The following LAMC1 variants were observed in gnomAD, a reference collection of about 807,000 sequenced individuals.
LAMC1 encodes laminin subunit gamma-1.
A neutral mutation model predicts 173.6 loss-of-function variants in LAMC1; 38 were observed. The observed-to-expected ratio is 0.22, with a 90% confidence interval of 0.17 to 0.29. The LOEUF (loss-of-function observed/expected upper bound fraction) is 0.29. Ranked by LOEUF, LAMC1 falls within the 10% of genes least tolerant of loss-of-function variation. LAMC1 has a pLI of 1.00. For missense variants in LAMC1, 1,824 were observed against 2,051.8 expected (o/e 0.89, Z 2.14); for synonymous variants, 746 against 749.1 (o/e 1.00, Z 0.07).
At chr1:183,024,410 C>T (rs561694231) in intron 1 of LAMC1, among the ~76,000 whole-genome samples, 1 of 152,356 alleles carries the variant, frequency 6.6e-6, no homozygotes, top group South Asian at 2.1e-4. Context: ...TGCATTTCGG[C>T]TGTTAGGATT....
intron 5 of LAMC1, among the ~76,000 whole-genome samples, chr1:183,114,985 C>T (rs1656277924): frequency 6.6e-6 from 1 of 152,132 alleles, no homozygotes; most frequent in African/African-American, 2.4e-5. Flanking sequence ...ATCATAGAGA[C>T]AATTTGAACT....
At chr1:183,034,517 C>T (rs6657533) in intron 1 of LAMC1, among the ~76,000 whole-genome samples, 75,795 of 151,984 alleles carry the variant, frequency 0.5, 19,598 homozygotes, top group South Asian at 0.64. Flanking sequence ...GTGATCTGCC[C>T]GCCTCGGCCT....
Position 183,143,057 on chromosome 1 carries a change from C to T in LAMC1, c.*267C>T, listed in dbSNP as rs1023393936. 16 of 394,450 alleles carry T rather than the reference C, an allele frequency of 4.1e-5. No individual in the cohort carries two copies. The highest frequency in any genetic ancestry group is 2.8e-4 in the African/African-American group (14 of 49,124). The allele number at this position is 394,450 out of a possible 1,614,324, so 24.4% of individuals were successfully genotyped here. On this transcript the variant is annotated 3_prime_UTR_variant, in exon 28 of 28. Transcript: ENST00000258341. ...CTTTCCCTTCTGATTTGCGTGAGGA[C>T]GTGGCATCCTACGTTACTGTACAGT... is the stretch of plus-strand genomic sequence containing the variant.
chr1:183,104,646 C>T (rs564714485), intron 2 of LAMC1, among the ~76,000 whole-genome samples: 1 of 152,166 alleles, frequency 6.6e-6, no homozygotes, highest in African/African-American at 2.4e-5. Context: ...TCTTTCTCAC[C>T]GTTATTATGT....
rs552001933 is a variant in LAMC1 at position 183,044,945 on chromosome 1, C to T, written c.418+20811C>T. 1.4e-4 allele frequency among the ~76,000 whole-genome samples: 21 copies of T among 151,552 alleles called. No individual in the cohort carries two copies. The East Asian group carries it at 4.1e-3, about 29-fold the overall frequency. On this transcript the variant is annotated intron_variant, in intron 1 of 27. Coordinates refer to ENST00000258341, the MANE Select transcript of LAMC1 (RefSeq NM_002293.4). Reference sequence around the variant, plus strand: ...TCAATGCTTAAAAAAAAAAAAAGATCCACTAAAGCCTTCTTCTTGTCATTT... The same window carrying T: ...TCAATGCTTAAAAAAAAAAAAAGATTCACTAAAGCCTTCTTCTTGTCATTT...
intron 1 of LAMC1, among the ~76,000 whole-genome samples, chr1:183,063,911 A>G (rs1305595426): frequency 6.6e-6 from 1 of 152,062 alleles, no homozygotes; most frequent in African/African-American, 2.4e-5. Context: ...TTGCCTTTGG[A>G]TAATGTTTAC....
intron 16 of LAMC1, among the ~76,000 whole-genome samples, chr1:183,126,574 T>G (rs2102096929): frequency 6.6e-6 from 1 of 152,372 alleles, no homozygotes; most frequent in East Asian, 1.9e-4. Flanking sequence ...TGAAACTTCT[T>G]TATTGATTGC....
At chr1:183,136,709 A>T in intron 25 of LAMC1, 124 bp downstream of exon 25, 1 of 768,578 alleles carries the variant, frequency 1.3e-6, no homozygotes, top group Non-Finnish European at 2.1e-6. Context: ...ATTGTCTTAA[A>T]CCATATTTGT....
Position 183,050,932 on chromosome 1 carries a change from G to A in LAMC1, c.418+26798G>A, listed in dbSNP as rs1307631652. Among the ~76,000 whole-genome samples, 7 of 150,354 alleles carry A rather than the reference G, an allele frequency of 4.7e-5. No individual in the cohort carries two copies. The South Asian group carries it at 6.3e-4, about 14-fold the overall frequency. On this transcript the variant is annotated intron_variant, in intron 1 of 27. Transcript: ENST00000258341. ...AAAAAGAATTACTGAATTAAAAGAC[G>A]TGGATATTTTTAAGGCCTTTAGATG...
At chr1:183,087,354 T>A (rs952897833) in intron 1 of LAMC1, among the ~76,000 whole-genome samples, 8 of 152,052 alleles carry the variant, frequency 5.3e-5, no homozygotes, top group African/African-American at 1.7e-4. Context: ...AAAACATACC[T>A]CAAAATAAAG....
intron 1 of LAMC1, among the ~76,000 whole-genome samples, chr1:183,076,966 C>A (rs533931803): frequency 3.7e-4 from 56 of 152,284 alleles, no homozygotes; most frequent in African/African-American, 1.3e-3. Context: ...AGAAGGACCT[C>A]TTGATTTTAG....
chr1:183,077,772 T>TTGTGTG lies in LAMC1; in HGVS notation c.419-25551_419-25550insGTGTGT, dbSNP rs796592939. Among the ~76,000 whole-genome samples, 151 of 78,426 alleles carry TTGTGTG rather than the reference T, an allele frequency of 1.9e-3. 10 individuals carry two copies. The highest frequency in any genetic ancestry group is 0.015 in the South Asian group (27 of 1,780). The allele number at this position is 78,426 out of a possible 152,430, so 51.5% of individuals were successfully genotyped here. A position where few individuals can be genotyped will look rare whatever the true frequency, so the allele number is the denominator to read the frequency against. On this transcript the variant is annotated intron_variant, in intron 1 of 27. Coordinates refer to ENST00000258341, the MANE Select transcript of LAMC1 (RefSeq NM_002293.4). Reference sequence around the variant, plus strand: ...TGGCTGAATAGTATTTTTATGGCCATTGTGTATATATATATATATATATAC... The same window carrying TTGTGTG: ...TGGCTGAATAGTATTTTTATGGCCATTGTGTGTGTGTATATATATATATATATATAC...
chr1:183,101,216 C>T (rs935802292), intron 1 of LAMC1, among the ~76,000 whole-genome samples: 2 of 151,934 alleles, frequency 1.3e-5, no homozygotes, highest in African/African-American at 4.8e-5. Context: ...TTTGAACAGT[C>T]GAGGCCACCT....
chr1:183,046,155 A>G (rs1450405914), intron 1 of LAMC1, among the ~76,000 whole-genome samples: 1 of 152,092 alleles, frequency 6.6e-6, no homozygotes, highest in Non-Finnish European at 1.5e-5. Context: ...AGTCTTATGT[A>G]AGAAGTCTTT....
rs774397754 is a variant in LAMC1 at position 183,116,649 on chromosome 1, C to CAAT, written c.1402_1404dup (p.Asn468dup). The CAAT allele has an allele frequency of 1.5e-5, 24 of 1,613,250 alleles. No homozygotes were observed. Among genetic ancestry groups the CAAT allele is most frequent in the Non-Finnish European group, 2.0e-5 (23 of 1,179,358 alleles). Reference sequence around the variant, plus strand: ...AAACAGGAAGATGTGTTTGCAAAGACAATGTCGAAGGCTTCAATTGTGAAA... The same window carrying CAAT: ...AAACAGGAAGATGTGTTTGCAAAGACAATAATGTCGAAGGCTTCAATTGTGAAA... On this transcript the variant is annotated inframe_insertion, in exon 7 of 28. Transcript: ENST00000258341.
At chr1:183,095,673 TC>T (rs1237044232) in intron 1 of LAMC1, among the ~76,000 whole-genome samples, 1 of 152,228 alleles carries the variant, frequency 6.6e-6, no homozygotes, top group Non-Finnish European at 1.5e-5. Flanking sequence ...TTGGCCTTGT[TC>T]CTTTAGCCCA....
At position 183,144,458 on chromosome 1, in the gene LAMC1, A is replaced by G. The variant is rs1657202319; in HGVS notation, c.*1668A>G. 1 of 152,358 alleles carries G rather than the reference A, an allele frequency of 6.6e-6. No homozygotes were observed. Among genetic ancestry groups the G allele is most frequent in the African/African-American group, 2.4e-5 (1 of 41,348 alleles). 9.4% of individuals were successfully genotyped at this position (152,358 alleles called of 1,614,324 possible). On this transcript the variant is annotated 3_prime_UTR_variant, in exon 28 of 28. Coordinates refer to ENST00000258341, the MANE Select transcript of LAMC1 (RefSeq NM_002293.4). ...TCCCTTCTAGAATTCTTTGGATTGT[A>G]CTCCAAAGAATTGTGCCTTGTGTTT...
intron 24 of LAMC1, 47 bp downstream of exon 24, chr1:183,135,203 T>C: frequency 8.7e-7 from 1 of 1,145,512 alleles, no homozygotes; most frequent in South Asian, 1.3e-5. Context: ...GCCACTAGAG[T>C]GATTTTTTTT....
intron 13 of LAMC1, among the ~76,000 whole-genome samples, chr1:183,124,115 T>C (rs1656554619): frequency 1.3e-5 from 2 of 152,216 alleles, no homozygotes; most frequent in African/African-American, 4.8e-5. Context: ...CAACTGATGA[T>C]TTCTAAGTTC....
Sources: allele counts gnomAD v4.1 joint callset (sites outside exome capture counted in the v4.1 genomes callset), GRCh38; gene constraint gnomAD v4.1.1; transcripts MANE v1.5; gene names NCBI Gene and HGNC (gene_info 2026-07-23, HGNC 2026-07-21).